Variants in AHCY observed in about 807,000 individuals in gnomAD.
AHCY encodes the protein S-adenosyl-L-homocysteine hydrolase.
In AHCY, 24 loss-of-function variants were observed where a neutral mutation model predicts 45.4. The ratio of observed to expected loss-of-function variants is 0.53; its 90% CI spans 0.38 to 0.74. The LOEUF (loss-of-function observed/expected upper bound fraction) is 0.74. Ranked by LOEUF, AHCY falls within the 30% of genes least tolerant of loss-of-function variation. The pLI, the probability that AHCY is intolerant of heterozygous loss-of-function variation, is 0.00. For missense variants in AHCY, 449 were observed against 594.1 expected, an observed-to-expected ratio of 0.76 and a Z score of 2.54; for synonymous variants, 245 against 235.1, an observed-to-expected ratio of 1.04 and a Z score of -0.39.
chr20:34,242,163 T>G, the AHCY span, among the ~76,000 whole-genome samples: 1 of 152,030 alleles, frequency 6.6e-6, no homozygotes, highest in Non-Finnish European at 1.5e-5. Flanking sequence ...GATGGCATAG[T>G]GAAGTCATTT....
At chr20:34,297,028 C>G (rs1370288206) in intron 1 of AHCY, among the ~76,000 whole-genome samples, 1 of 152,078 alleles carries the variant, frequency 6.6e-6, no homozygotes, top group African/African-American at 2.4e-5. Context: ...ATCTGGACTT[C>G]AAGCACCCAA....
chr20:34,269,353 T>C, the AHCY span: 1 of 722,900 alleles, frequency 1.4e-6, no homozygotes. Context: ...CTCGAAGGTG[T>C]GCGGCTGTTT....
At chr20:34,303,015 C>A in intron 1 of AHCY, 1 of 985,442 alleles carries the variant, frequency 1.0e-6, no homozygotes, top group Non-Finnish European at 1.2e-6. Flanking sequence ...GCGGCGGCCC[C>A]GGCGTCGCGG....
intron 2 of AHCY, chr20:34,295,150 C>T: frequency 1.6e-6 from 1 of 613,088 alleles, no homozygotes; most frequent in Non-Finnish European, 2.9e-6. Context: ...CCAGAGCATC[C>T]ATCAGGAGGA....
At chr20:34,259,262 G>A in the AHCY span, among the ~76,000 whole-genome samples, 3 of 151,380 alleles carry the variant, frequency 2.0e-5, no homozygotes, top group Admixed American at 2.0e-4. Context: ...AGAAAATATA[G>A]GCCAGGTGCA....
upstream of AHCY, among the ~76,000 whole-genome samples, chr20:34,307,349 CA>C (rs200416628): frequency 2.7e-3 from 412 of 152,234 alleles, 4 homozygotes; most frequent in East Asian, 4.0e-3. Flanking sequence ...TTCAGCCTCC[CA>C]ACATGCTGAG....
intron 2 of AHCY, 84 bp from the exon 3 acceptor site, chr20:34,294,240 C>T (rs1398461746): frequency 1.1e-5 from 14 of 1,260,898 alleles, no homozygotes; most frequent in South Asian, 5.0e-5. Flanking sequence ...GGGAGAGCTT[C>T]GGGTAGTGGG....
chr20:34,274,117 T>C, the AHCY span, among the ~76,000 whole-genome samples: 831 of 152,336 alleles, frequency 5.5e-3, 7 homozygotes, highest in Non-Finnish European at 5.7e-3. Context: ...TATGGCTGTA[T>C]AGACTACCAG....
chr20:34,289,544 C>T (rs763577149), intron 8 of AHCY, among the ~76,000 whole-genome samples: 10 of 143,454 alleles, frequency 7.0e-5, no homozygotes, highest in Non-Finnish European at 9.0e-5. Context: ...GGTGCGATCT[C>T]GGCTCACTGC....
upstream of AHCY, among the ~76,000 whole-genome samples, chr20:34,303,580 A>G (rs1023788664): frequency 2.0e-5 from 3 of 152,236 alleles, no homozygotes; most frequent in South Asian, 6.2e-4. Context: ...TCGCTGGTTC[A>G]GCCAGTTGAT....
At chr20:34,295,276 C>A (rs770836524) in intron 2 of AHCY, 119 bp downstream of exon 2, 1 of 1,242,340 alleles carries the variant, frequency 8.0e-7, no homozygotes, top group South Asian at 1.3e-5. Context: ...GGGAGGAACC[C>A]CTCCAGGCCC....
intron 1 of AHCY, chr20:34,302,900 G>C: frequency 1.0e-6 from 1 of 985,466 alleles, no homozygotes; most frequent in Non-Finnish European, 1.2e-6. Flanking sequence ...TAGGAGGCCG[G>C]GCGCAGGCCC....
downstream of AHCY, among the ~76,000 whole-genome samples, chr20:34,277,966 T>A (rs142028892): frequency 2.6e-4 from 40 of 152,098 alleles, no homozygotes; most frequent in Admixed American, 1.0e-3. Flanking sequence ...CATCTTCCCA[T>A]CTCTTTCCTG....
At chr20:34,305,114 G>C (rs1015635197), upstream of AHCY, among the ~76,000 whole-genome samples, 1 of 148,412 alleles carries the variant, frequency 6.7e-6, no homozygotes, top group Non-Finnish European at 1.5e-5. Flanking sequence ...AGGAAATCGA[G>C]ACCATCCTGG....
chr20:34,309,729 C>T (rs935166625), intron 1 of AHCY, among the ~76,000 whole-genome samples: 4 of 151,922 alleles, frequency 2.6e-5, no homozygotes, highest in African/African-American at 4.8e-5. Context: ...TGCAGTGAGC[C>T]GAGATCGTGC....
chr20:34,253,637 A>G, the AHCY span, among the ~76,000 whole-genome samples: 2 of 151,128 alleles, frequency 1.3e-5, no homozygotes, highest in Non-Finnish European at 2.9e-5. Context: ...AAGCCTGGCT[A>G]ATTTTTGTAT....
chr20:34,261,689 C>G, the AHCY span, among the ~76,000 whole-genome samples: 4 of 151,984 alleles, frequency 2.6e-5, no homozygotes, highest in Admixed American at 6.6e-5. Context: ...ATGGTTCCAG[C>G]TATTTGGGAG....
intron 8 of AHCY, chr20:34,286,149 G>A (rs2036177278): frequency 2.3e-5 from 5 of 219,962 alleles, no homozygotes; most frequent in Non-Finnish European, 4.6e-5. Flanking sequence ...CTGAGCTGCA[G>A]ACTGCACAGT....
intron 1 of AHCY, among the ~76,000 whole-genome samples, chr20:34,301,001 C>T (rs1218523067): frequency 1.3e-5 from 2 of 152,208 alleles, no homozygotes; most frequent in African/African-American, 2.4e-5. Flanking sequence ...GTTTACCGAC[C>T]ATATCTGTCC....
Sources: gnomAD v4.1 joint callset for allele counts (sites outside exome capture counted in the v4.1 genomes callset) on GRCh38, gnomAD v4.1.1 for gene constraint, MANE v1.5 for transcripts, NCBI Gene and HGNC (gene_info 2026-07-23, HGNC 2026-07-21) for gene names.